The following ZNF469 variants were observed in gnomAD, a reference collection of about 807,000 sequenced individuals.
ZNF469 encodes zinc finger protein 469.
In ZNF469, 1 loss-of-function variant was observed where a neutral mutation model predicts 1.0. That is an observed-to-expected ratio of 1.00 (90% CI 0.35 to 4.73). The LOEUF (loss-of-function observed/expected upper bound fraction) is 4.73, where lower values mean the gene tolerates loss of function less well. Ranked by LOEUF, ZNF469 falls within the 30% of genes most tolerant of loss-of-function variation. The pLI is 0.16. For synonymous variants in ZNF469, 2,703 were observed against 2,363.4 expected, an observed-to-expected ratio of 1.14 and a Z score of -4.17; for missense variants, 6,100 against 5,356.3, an observed-to-expected ratio of 1.14 and a Z score of -4.33.
At chr16:88,359,300 G>A in the ZNF469 span, among the ~76,000 whole-genome samples, 920 of 150,818 alleles carry the variant, frequency 6.1e-3, 20 homozygotes, top group Non-Finnish European at 1.2e-3. Flanking sequence ...TGAGTGTCCC[G>A]GGGGCTCGGT....
At chr16:88,331,216 T>TCACCAC in the ZNF469 span, among the ~76,000 whole-genome samples, 11,671 of 131,612 alleles carry the variant, frequency 0.089, 528 homozygotes, top group East Asian at 0.21. Flanking sequence ...ATCACAACCG[T>TCACCAC]CACCACCACC....
chr16:88,274,956 C>A, the ZNF469 span, among the ~76,000 whole-genome samples: 1 of 152,178 alleles, frequency 6.6e-6, no homozygotes, highest in African/African-American at 2.4e-5. Context: ...GACACTCGCT[C>A]GCACACATGC....
At chr16:88,278,890 C>G in the ZNF469 span, among the ~76,000 whole-genome samples, 6 of 147,420 alleles carry the variant, frequency 4.1e-5, 1 homozygote, top group Middle Eastern at 3.5e-3. Flanking sequence ...TCGGTCAGTA[C>G]CGTGTAGATA....
At chr16:88,226,927 G>A in the ZNF469 span, among the ~76,000 whole-genome samples, 2 of 152,136 alleles carry the variant, frequency 1.3e-5, no homozygotes, top group African/African-American at 2.4e-5. Context: ...TTCCACCCGG[G>A]AAGGATTCCC....
chr16:88,239,703 ATATATATATATATTTTTTTTTTTTTTT>A, the ZNF469 span, among the ~76,000 whole-genome samples: 29 of 6,320 alleles, frequency 4.6e-3, 2 homozygotes, highest in East Asian at 0.015. Flanking sequence ...ATATATATAT[ATATATATATATATTTTTTTTTTTTTTT>A]TTTTTTTTTT....
At chr16:88,216,485 C>A in the ZNF469 span, among the ~76,000 whole-genome samples, 2 of 116,810 alleles carry the variant, frequency 1.7e-5, no homozygotes, top group African/African-American at 6.1e-5. Flanking sequence ...CAGAGTGAGA[C>A]TCCGTCTCAA....
the ZNF469 span, among the ~76,000 whole-genome samples, chr16:88,170,893 C>A: frequency 6.6e-6 from 1 of 150,382 alleles, no homozygotes; most frequent in Non-Finnish European, 1.5e-5. This position sits in a 1 kb window ranked among gnomAD's most constrained non-coding sequence, Gnocchi z 4.2. Flanking sequence ...GCAAGTGTTG[C>A]CGCTCCACAC....
chr16:88,370,092 C>A, the ZNF469 span, among the ~76,000 whole-genome samples: 1 of 152,348 alleles, frequency 6.6e-6, no homozygotes, highest in Middle Eastern at 3.4e-3. Flanking sequence ...GTCGACGCAG[C>A]CTTTCTGACC....
rs975247998 is a variant in ZNF469 at position 88,428,134 on chromosome 16, G to A, written c.664G>A (p.Gly222Ser). ...QSRGTSPLQP[G>S]SYPEYQASGA... Reference sequence around the variant, plus strand: ...CAGGGGCACCAGCCCCCTCCAGCCCGGTTCCTATCCCGAATACCAGGCCAG... The same window carrying A: ...CAGGGGCACCAGCCCCCTCCAGCCCAGTTCCTATCCCGAATACCAGGCCAG... The change falls in exon 3 of 3, where the codon GGT becomes AGT. Residue 222 changes from glycine to serine, a missense_variant. Gly to Ser is a moderately conservative substitution (Grantham distance 56). Coordinates refer to ENST00000565624, the MANE Select transcript of ZNF469 (RefSeq NM_001367624.2). 1.4e-5 allele frequency: 21 copies of A among 1,549,938 alleles called. No individual in the cohort carries two copies. The highest frequency in any genetic ancestry group is 1.7e-4 in the Middle Eastern group (1 of 6,010).
chr16:88,436,486 G>A lies in ZNF469; in HGVS notation c.9016G>A (p.Ala3006Thr). ...AWRGLEMPAPADDSSSSLGDV... is the reference protein window; with the variant it reads ...AWRGLEMPAPTDDSSSSLGDV... ...GCGAGGCCTGGAGATGCCGGCCCCTGCCGATGACTCCTCCTCTTCTCTCGG... is the reference window on the plus strand; with the variant it reads ...GCGAGGCCTGGAGATGCCGGCCCCTACCGATGACTCCTCCTCTTCTCTCGG... The change falls in exon 3 of 3, where the codon GCC becomes ACC. Residue 3006 changes from alanine (A) to threonine (T), a missense_variant. Ala to Thr is a moderately conservative substitution (Grantham distance 58). Coordinates refer to ENST00000565624, the MANE Select transcript of ZNF469 (RefSeq NM_001367624.2). 6 of 1,547,526 alleles carry A rather than the reference G, an allele frequency of 3.9e-6. No individual in the cohort carries two copies. The highest frequency in any genetic ancestry group is 5.2e-6 in the Non-Finnish European group (6 of 1,146,964).
chr16:88,125,446 A>T, the ZNF469 span, among the ~76,000 whole-genome samples: 70,538 of 152,160 alleles, frequency 0.46, 19,573 homozygotes, highest in Non-Finnish European at 0.63. Flanking sequence ...TAACTTTGAG[A>T]ATCAGCATGT....
At chr16:88,118,243 C>T in the ZNF469 span, among the ~76,000 whole-genome samples, 5 of 152,202 alleles carry the variant, frequency 3.3e-5, no homozygotes, top group African/African-American at 7.2e-5. Context: ...GCACCCGGCT[C>T]CTATCTTTTC....
chr16:88,234,788 C>T, the ZNF469 span: 1 of 152,254 alleles, frequency 6.6e-6, no homozygotes, highest in African/African-American at 2.4e-5. Flanking sequence ...TGCAGCTTCT[C>T]AGGCCCTAGG....
At chr16:88,251,875 G>T in the ZNF469 span, among the ~76,000 whole-genome samples, 1 of 151,782 alleles carries the variant, frequency 6.6e-6, no homozygotes, top group African/African-American at 2.4e-5. Context: ...CTCTTCTTAT[G>T]GCTCCAGCTG....
upstream of ZNF469, among the ~76,000 whole-genome samples, chr16:88,382,071 A>G (rs909789166): frequency 1.3e-5 from 2 of 152,192 alleles, no homozygotes; most frequent in African/African-American, 2.4e-5. Context: ...CTGCCACCCT[A>G]TTTCTTAGAA....
chr16:88,333,974 ATC>A, the ZNF469 span, among the ~76,000 whole-genome samples: 1,156 of 147,022 alleles, frequency 7.9e-3, 14 homozygotes, highest in African/African-American at 0.028. Context: ...GTCTGTGTGC[ATC>A]TGTGTGTATC....
At chr16:88,244,425 ATGG>A in the ZNF469 span, among the ~76,000 whole-genome samples, 1 of 144,356 alleles carries the variant, frequency 6.9e-6, no homozygotes, top group African/African-American at 2.6e-5. Context: ...GGATGGATGG[ATGG>A]ATGGATAGGT....
the ZNF469 span, among the ~76,000 whole-genome samples, chr16:88,277,354 G>A: frequency 1.6e-3 from 237 of 148,780 alleles, 4 homozygotes; most frequent in African/African-American, 5.6e-3. Context: ...CGCTCAGTCA[G>A]TACCGTGTAG....
the ZNF469 span, among the ~76,000 whole-genome samples, chr16:88,357,962 G>T: frequency 6.6e-6 from 1 of 152,216 alleles, no homozygotes; most frequent in Admixed American, 6.5e-5. Flanking sequence ...GCCTGGGATG[G>T]CATTTGGCCC....
Sources: gnomAD v4.1 joint callset for allele counts (sites outside exome capture counted in the v4.1 genomes callset) on GRCh38, gnomAD v4.1.1 for gene constraint, Gnocchi (gnomAD v3.1) non-coding constraint, MANE v1.5 for transcripts, NCBI Gene and HGNC (gene_info 2026-07-23, HGNC 2026-07-21) for gene names.